The following TLN1 variants were observed in gnomAD, a reference collection of about 807,000 sequenced individuals.
TLN1 encodes talin 1, also known as talin-1.
A neutral mutation model predicts 292.3 loss-of-function variants in TLN1; 56 were observed. The ratio of observed to expected loss-of-function variants is 0.19; its 90% CI spans 0.15 to 0.24. The LOEUF is 0.24. Among genes scored for constraint, TLN1 ranks in the 10% least tolerant of loss-of-function variants. The pLI is 1.00. For missense variants in TLN1, 2,433 were observed against 3,248.2 expected, an observed-to-expected ratio of 0.75 and a Z score of 6.10; for synonymous variants, 1,119 against 1,253.7, an observed-to-expected ratio of 0.89 and a Z score of 2.27.
At chr9:35,725,445 A>C in intron 2 of TLN1, 120 bp downstream of exon 2, 1 of 1,536,674 alleles carries the variant, frequency 6.5e-7, no homozygotes, top group Non-Finnish European at 8.9e-7. Flanking sequence ...GAACCATGGA[A>C]CACAGACCTG....
chr9:35,724,811 C>G lies in TLN1; in HGVS notation c.358+19G>C. On this transcript the variant is annotated intron_variant, in intron 4 of 56. Coordinates refer to ENST00000314888, the MANE Select transcript of TLN1 (RefSeq NM_006289.4). This position sits in a 1 kb window ranked among gnomAD's most constrained non-coding sequence, Gnocchi z 4.7. Reference sequence around the variant, plus strand: ...GAGGCTTTCTGGCCCAGGCTTTCAACTGTACTAGGGCCCCTTACCAATGCG... The same window carrying G: ...GAGGCTTTCTGGCCCAGGCTTTCAAGTGTACTAGGGCCCCTTACCAATGCG... 1.2e-6 allele frequency: 2 copies of G among 1,614,044 alleles called. No individual in the cohort carries two copies. Among genetic ancestry groups the G allele is most frequent in the Non-Finnish European group, 1.7e-6 (2 of 1,179,952 alleles).
At chr9:35,725,521 G>A in intron 2 of TLN1, 44 bp downstream of exon 2, 2 of 1,602,246 alleles carry the variant, frequency 1.2e-6, no homozygotes, top group Non-Finnish European at 1.7e-6. Context: ...GAACAAGAAG[G>A]GACTGAAGAC....
Position 35,711,595 on chromosome 9 carries a change from C to G in TLN1, c.3879G>C (p.Pro1293=). Residue 1293 remains proline (P), a splice_region_variant and synonymous_variant, in exon 29 of 57, where the codon CCG becomes CCC. Transcript: ENST00000314888. Reference sequence around the variant, plus strand: ...AACCAGACCCTCTGCCTCTTCATACCGGAGCCTGGCCTGCCATCTCCACAC... The same window carrying G: ...AACCAGACCCTCTGCCTCTTCATACGGGAGCCTGGCCTGCCATCTCCACAC... The part of the protein sequence containing the change: ...EAGVEMAGQA[P]SQEDRAQVVS... 6.2e-7 allele frequency: 1 copy of G among 1,613,528 alleles called. No homozygotes were observed. Among genetic ancestry groups the G allele is most frequent in the Non-Finnish European group, 8.5e-7 (1 of 1,180,014 alleles).
chr9:35,720,599 T>C (rs1049185004), intron 11 of TLN1, 90 bp from the exon 12 acceptor site: 8 of 1,352,144 alleles, frequency 5.9e-6, no homozygotes, highest in Non-Finnish European at 8.3e-6. Context: ...AACCAGCCAT[T>C]TTCCAGAAGC....
At chr9:35,716,597 A>G (rs1563944481) in intron 19 of TLN1, 41 bp from the exon 20 acceptor site, 6 of 1,602,452 alleles carry the variant, frequency 3.7e-6, no homozygotes, top group Non-Finnish European at 5.1e-6. Flanking sequence ...AGCCAGAGAC[A>G]CTGAGGTGTC....
In TLN1 at chr9:35,698,702, C is replaced by G. The variant is rs996139642; in HGVS notation, c.7126-23G>C. Reference sequence around the variant, plus strand: ...CACCTGTAGGAAGGAGAAGAGCCTACTTAGACCTGCATTTTCCTCACTTCA... The same window carrying G: ...CACCTGTAGGAAGGAGAAGAGCCTAGTTAGACCTGCATTTTCCTCACTTCA... On this transcript the variant is annotated intron_variant, in intron 53 of 56. Coordinates refer to ENST00000314888, the MANE Select transcript of TLN1 (RefSeq NM_006289.4). This position sits in a 1 kb window ranked among gnomAD's most constrained non-coding sequence, Gnocchi z 5.3. 2 of 1,614,156 alleles carry G rather than the reference C, an allele frequency of 1.2e-6. No homozygotes were observed. The highest frequency in any genetic ancestry group is 1.3e-5 in the African/African-American group (1 of 75,044).
At chr9:35,730,680 T>C (rs1826060522) in intron 1 of TLN1, among the ~76,000 whole-genome samples, 1 of 151,994 alleles carries the variant, frequency 6.6e-6, no homozygotes, top group African/African-American at 2.4e-5. Flanking sequence ...TGGGAACGGA[T>C]GATAAGATGA....
rs1209820591 is a variant in TLN1 at position 35,719,083 on chromosome 9, G to A, written c.1887C>T (p.Ala629=). Residue 629 remains alanine (A), a synonymous_variant, in exon 16 of 57, where the codon GCC becomes GCT. Coordinates refer to ENST00000314888, the MANE Select transcript of TLN1 (RefSeq NM_006289.4). This position sits in a 1 kb window ranked among gnomAD's most constrained non-coding sequence, Gnocchi z 4.6. ...VSELLRSAQP[A]SAEPRQNLLQ... is the part of the protein sequence containing the mutation. ...ACCTGTGGCCCCTGACCTCAGCACT[G>A]GCTGGTTGGGCACTGCGCAGCAGTT... 6.2e-7 allele frequency: 1 copy of A among 1,612,518 alleles called. No homozygotes were observed. Among genetic ancestry groups the A allele is most frequent in the East Asian group, 2.2e-5 (1 of 44,872 alleles).
intron 30 of TLN1, 52 bp downstream of exon 30, chr9:35,711,203 T>C: frequency 1.2e-6 from 2 of 1,611,488 alleles, no homozygotes; most frequent in Non-Finnish European, 1.7e-6. Flanking sequence ...AACTGCCTGC[T>C]CCCCAGTCTC....
chr9:35,701,946 T>A (rs1040765279), intron 48 of TLN1, among the ~76,000 whole-genome samples: 4 of 152,080 alleles, frequency 2.6e-5, no homozygotes, highest in African/African-American at 9.7e-5. Context: ...CAAGTAAAAG[T>A]GAAAACAGAA....
In TLN1 at chr9:35,732,025, A is replaced by C. The variant is rs1419145780; in HGVS notation, c.-34+50T>G. 6.6e-6 allele frequency: 1 copy of C among 151,788 alleles called. No individual in the cohort carries two copies. 9.4% of individuals were successfully genotyped at this position (151,788 alleles called of 1,614,324 possible). The stretch of plus-strand genomic sequence containing the variant: ...GGCAGGGCCCGCCCGCCCCGGGGCC[A>C]GGCCCCGCGGCCCCACCCTAAGGCC... On this transcript the variant is annotated intron_variant, in intron 1 of 56. Transcript: ENST00000314888. The surrounding 1 kb of genome is among the most constrained non-coding windows in gnomAD (Gnocchi z 5.1).
rs1280996926 is a variant in TLN1 at position 35,714,687 on chromosome 9, C to T, written c.2872G>A (p.Ala958Thr). The stretch of plus-strand genomic sequence containing the variant: ...AGCAGTGGAATCTGCTCTGCCACTG[C>T]CTGTAGGTGAAAATGTCATAAGAGA... ...PQPLLVQSCK[A>T]VAEQIPLLVQ... Residue 958 changes from alanine (A) to threonine (T), a missense_variant and splice_region_variant, in exon 23 of 57, where the codon GCA (alanine) becomes ACA (threonine). Ala to Thr is a moderately conservative substitution (Grantham distance 58, BLOSUM62 0). Coordinates refer to ENST00000314888, the MANE Select transcript of TLN1 (RefSeq NM_006289.4). The surrounding 1 kb of genome is among the most constrained non-coding windows in gnomAD (Gnocchi z 4.6). 2 of 1,613,990 alleles carry T rather than the reference C, an allele frequency of 1.2e-6. No homozygotes were observed. Among genetic ancestry groups the T allele is most frequent in the African/African-American group, 2.7e-5 (2 of 74,944 alleles).
Position 35,704,177 on chromosome 9 carries a change from G to C in TLN1, c.6048-3C>G. On this transcript the variant is annotated splice_region_variant and splice_polypyrimidine_tract_variant and intron_variant, in intron 45 of 56. Coordinates refer to ENST00000314888, the MANE Select transcript of TLN1 (RefSeq NM_006289.4). This position sits in a 1 kb window ranked among gnomAD's most constrained non-coding sequence, Gnocchi z 6.9. ...TCGCAGTCTTCAGGATGCCCTCCCT[G>C]AGGGAGGGCCCAGCTTAGTCAGATC... 4.4e-6 allele frequency: 7 copies of C among 1,586,948 alleles called. No homozygotes were observed. Among genetic ancestry groups the C allele is most frequent in the Non-Finnish European group, 5.2e-6 (6 of 1,165,012 alleles).
In TLN1 at chr9:35,697,841, G is replaced by T. The variant is rs1825393501; in HGVS notation, c.7576C>A (p.Arg2526=). Residue 2526 remains arginine, a synonymous_variant, in exon 57 of 57, where the codon CGG becomes AGG. Transcript: ENST00000314888. ...EEARKKLAQI[R]QQQYKFLPSE... ...GGCAGAAACTTGTACTGCTGCTGCC[G>T]GATCTGGGCCAGTTTCTTCCGCGCC... 1 of 1,614,168 alleles carries T rather than the reference G, an allele frequency of 6.2e-7. No homozygotes were observed.
chr9:35,723,318 G>A, intron 7 of TLN1: 1 of 208,602 alleles, frequency 4.8e-6, no homozygotes, highest in Non-Finnish European at 9.8e-6. Flanking sequence ...GGTCAGGCTG[G>A]TCTCGAACTC....
chr9:35,719,302 G>C lies in TLN1; in HGVS notation c.1688-20C>G. 2 of 1,605,368 alleles carry C rather than the reference G, an allele frequency of 1.2e-6. No individual in the cohort carries two copies. Among genetic ancestry groups the C allele is most frequent in the East Asian group, 2.2e-5 (1 of 44,510 alleles). The stretch of plus-strand genomic sequence containing the variant: ...GGTCCCCTAAGGGGAAAAGGAGAAA[G>C]AGGAACATGAGAGACAGGGCAGGCC... On this transcript the variant is annotated intron_variant, in intron 15 of 56. Coordinates refer to ENST00000314888, the MANE Select transcript of TLN1 (RefSeq NM_006289.4). This position sits in a 1 kb window ranked among gnomAD's most constrained non-coding sequence, Gnocchi z 4.6.
intron 27 of TLN1, 125 bp from the exon 28 acceptor site, chr9:35,712,249 T>TAGGTGA: frequency 7.6e-7 from 1 of 1,311,938 alleles, no homozygotes. Context: ...GGGGGCGTTG[T>TAGGTGA]AGGTGAACAG....
rs749397636 is a variant in TLN1, at chr9:35,707,706, G to C, written c.4632+25C>G. On this transcript the variant is annotated intron_variant, in intron 35 of 56. Transcript: ENST00000314888. The surrounding 1 kb of genome is among the most constrained non-coding windows in gnomAD (Gnocchi z 5.6). ...GAGAAGATAGGACAGGTCAGGGAGA[G>C]GCTGGGAATTCAAGCAATGGGAACC... 2.5e-6 allele frequency: 4 copies of C among 1,614,020 alleles called. No homozygotes were observed. Among genetic ancestry groups the C allele is most frequent in the Non-Finnish European group, 3.4e-6 (4 of 1,179,920 alleles).
Position 35,714,693 on chromosome 9 carries a change from G to C in TLN1, c.2872-6C>G. 1 of 1,614,046 alleles carries C rather than the reference G, an allele frequency of 6.2e-7. No homozygotes were observed. The highest frequency in any genetic ancestry group is 8.5e-7 in the Non-Finnish European group (1 of 1,179,968). On this transcript the variant is annotated splice_region_variant and splice_polypyrimidine_tract_variant and intron_variant, in intron 22 of 56. Transcript: ENST00000314888. The surrounding 1 kb of genome is among the most constrained non-coding windows in gnomAD (Gnocchi z 4.6). ...GGAATCTGCTCTGCCACTGCCTGTA[G>C]GTGAAAATGTCATAAGAGACCCACA...
Sources: allele counts gnomAD v4.1 joint callset (sites outside exome capture counted in the v4.1 genomes callset), GRCh38; gene constraint gnomAD v4.1.1; non-coding constraint Gnocchi (gnomAD v3.1); transcripts MANE v1.5; gene names NCBI Gene and HGNC (gene_info 2026-07-23, HGNC 2026-07-21).